THSD7A: variants seen among roughly 807,000 people sequenced by gnomAD.
The protein encoded by THSD7A is thrombospondin type 1 domain containing 7A, also known as thrombospondin type-1 domain-containing protein 7A.
Under a neutral mutation model 231.3 loss-of-function variants are expected in THSD7A, and 96 were observed. The observed-to-expected ratio is 0.41, with a 90% CI of 0.35 to 0.49. The LOEUF (loss-of-function observed/expected upper bound fraction) is 0.49. Ranked by LOEUF, THSD7A falls within the 20% of genes least tolerant of loss-of-function variation. The probability of loss-of-function intolerance (pLI) is 0.05; values close to 1 mark genes in which losing one functional copy is unlikely to be tolerated. For synonymous variants in THSD7A, 940 were observed against 743.3 expected, an observed-to-expected ratio of 1.26 and a Z score of -4.30; for missense variants, 2,290 against 2,070.2, an observed-to-expected ratio of 1.11 and a Z score of -2.06.
chr7:11,740,701 C>A (rs900896909), intron 1 of THSD7A, among the ~76,000 whole-genome samples: 2 of 151,882 alleles, frequency 1.3e-5, no homozygotes, highest in African/African-American at 4.8e-5. Flanking sequence ...TATACCTTCT[C>A]CCAAACATTT....
Position 11,637,834 on chromosome 7 carries a change from AT to A in THSD7A, c.191-874del, listed in dbSNP as rs1247250902. Among the ~76,000 whole-genome samples the A allele has an allele frequency of 6.6e-6, 1 of 152,046 alleles. No individual in the cohort carries two copies. Among genetic ancestry groups the A allele is most frequent in the Non-Finnish European group, 1.5e-5 (1 of 68,004 alleles). ...AATAAACTTTATATTCACATATATTATTTTTTTCTAAGGTAGATGATATGAT... is the reference window on the plus strand; with the variant it reads ...AATAAACTTTATATTCACATATATTATTTTTTCTAAGGTAGATGATATGAT... On this transcript the variant is annotated intron_variant, in intron 1 of 27. Coordinates refer to ENST00000423059, the MANE Select transcript of THSD7A (RefSeq NM_015204.3). The surrounding 1 kb of genome is among the most constrained non-coding windows in gnomAD (Gnocchi z 4.2).
chr7:11,505,492 A>T (rs2128311654), intron 6 of THSD7A, among the ~76,000 whole-genome samples: 1 of 152,196 alleles, frequency 6.6e-6, no homozygotes, highest in Non-Finnish European at 1.5e-5. Flanking sequence ...AGACAAAAGA[A>T]AGAAGGCAAA....
intron 11 of THSD7A, among the ~76,000 whole-genome samples, chr7:11,454,975 G>C (rs1035203443): frequency 6.6e-6 from 1 of 151,966 alleles, no homozygotes; most frequent in African/African-American, 2.4e-5. Flanking sequence ...ATCTCCCTCA[G>C]ATCCACATGT....
At chr7:11,759,025 C>T (rs922996752) in intron 1 of THSD7A, among the ~76,000 whole-genome samples, 10 of 151,940 alleles carry the variant, frequency 6.6e-5, no homozygotes, top group African/African-American at 2.4e-4. Context: ...TGGTAAGGAT[C>T]CAGGGACCTG....
chr7:11,411,168 A>G lies in THSD7A; in HGVS notation c.3798+39T>C, dbSNP rs746389837. 1.3e-6 allele frequency: 2 copies of G among 1,493,300 alleles called. No homozygotes were observed. The highest frequency in any genetic ancestry group is 3.4e-5 in the Admixed American group (2 of 58,018). 92.5% of individuals were successfully genotyped at this position (1,493,300 alleles called of 1,614,324 possible). On this transcript the variant is annotated intron_variant, in intron 19 of 27. Coordinates refer to ENST00000423059, the MANE Select transcript of THSD7A (RefSeq NM_015204.3). The surrounding 1 kb of genome is among the most constrained non-coding windows in gnomAD (Gnocchi z 4.1). ...CAGCATGAATTGAAATTATTAGGGA[A>G]GAATTTACTCGCGAAGATATAACAC... is the stretch of plus-strand genomic sequence containing the variant.
At position 11,374,642 on chromosome 7, in the gene THSD7A, A is replaced by G. The variant is rs2115277967; in HGVS notation, c.*1152T>C. 6.6e-6 allele frequency: 1 copy of G among 151,854 alleles called. No individual in the cohort carries two copies. The highest frequency in any genetic ancestry group is 2.1e-4 in the South Asian group (1 of 4,822). 9.4% of individuals were successfully genotyped at this position (151,854 alleles called of 1,614,324 possible). A position where few individuals can be genotyped will look rare whatever the true frequency, so the allele number is the denominator to read the frequency against. On this transcript the variant is annotated 3_prime_UTR_variant, in exon 28 of 28. Coordinates refer to ENST00000423059, the MANE Select transcript of THSD7A (RefSeq NM_015204.3). Reference sequence around the variant, plus strand: ...TCCTTTTTCTTTTTTTTTCTTAACAAAGATAACAAATATAAAAATCTAGTC... The same window carrying G: ...TCCTTTTTCTTTTTTTTTCTTAACAGAGATAACAAATATAAAAATCTAGTC...
intron 1 of THSD7A, among the ~76,000 whole-genome samples, chr7:11,815,125 T>A (rs1209746437): frequency 6.6e-6 from 1 of 151,946 alleles, no homozygotes; most frequent in East Asian, 1.9e-4. Context: ...CTACCCTCCA[T>A]TTTTAAGCTT....
chr7:11,383,270 T>C (rs1583641974), intron 23 of THSD7A, among the ~76,000 whole-genome samples: 1 of 152,080 alleles, frequency 6.6e-6, no homozygotes, highest in Non-Finnish European at 1.5e-5. Flanking sequence ...GGTGAAATAC[T>C]TCTAAGTGAT....
chr7:11,682,025 G>T (rs979864073), intron 1 of THSD7A, among the ~76,000 whole-genome samples: 3 of 151,986 alleles, frequency 2.0e-5, no homozygotes, highest in Non-Finnish European at 4.4e-5. Context: ...TAAATATGGA[G>T]AAATAAAGTC....
chr7:11,654,504 C>G (rs180873388), intron 1 of THSD7A, among the ~76,000 whole-genome samples: 22 of 151,996 alleles, frequency 1.4e-4, no homozygotes, highest in African/African-American at 5.3e-4. Context: ...AGCAATAGAT[C>G]TTATTCAAAA....
Position 11,375,841 on chromosome 7 carries a change from G to A in THSD7A, c.4927C>T (p.Arg1643Ter), listed in dbSNP as rs749319690. 7 of 1,612,602 alleles carry A rather than the reference G, an allele frequency of 4.3e-6. No individual in the cohort carries two copies. The highest frequency in any genetic ancestry group is 3.3e-5 in the Admixed American group (2 of 59,916). ...TAGGCTAAGGTTAAAGGTTTCAGTC[G>A]GTTGTTTTGCCTTCTTTGGGGTTTC... ...PKKPQRRQNN[R>*]LKPLTLAYDG... is the part of the protein sequence containing the mutation. The change falls in exon 28 of 28, where the codon CGA (arginine) becomes TGA (stop). Residue 1643 changes from arginine (R) to a stop codon, truncating the protein, a stop_gained. Coordinates refer to ENST00000423059, the MANE Select transcript of THSD7A (RefSeq NM_015204.3). LOFTEE classifies it high-confidence loss of function.
intron 1 of THSD7A, among the ~76,000 whole-genome samples, chr7:11,766,569 C>G (rs1304484940): frequency 6.6e-6 from 1 of 152,134 alleles, no homozygotes; most frequent in African/African-American, 2.4e-5. Flanking sequence ...GTCATGTGGA[C>G]TTGGTAAATA....
chr7:11,655,268 G>C (rs898103226), intron 1 of THSD7A, among the ~76,000 whole-genome samples: 1 of 151,816 alleles, frequency 6.6e-6, no homozygotes. Context: ...TGATTTGTTA[G>C]GATCCACAAG....
intron 1 of THSD7A, among the ~76,000 whole-genome samples, chr7:11,677,955 C>T (rs1198110599): frequency 6.6e-6 from 1 of 152,148 alleles, no homozygotes; most frequent in Non-Finnish European, 1.5e-5. Flanking sequence ...GTAAAACACT[C>T]CTCAGCAAAT....
chr7:11,594,095 A>G (rs1348890488), intron 2 of THSD7A, among the ~76,000 whole-genome samples: 1 of 152,168 alleles, frequency 6.6e-6, no homozygotes, highest in African/African-American at 2.4e-5. Context: ...TCAGAAAAAC[A>G]TGAAAAGAGT....
At chr7:11,522,337 A>G (rs1172466948) in intron 6 of THSD7A, among the ~76,000 whole-genome samples, 2 of 152,158 alleles carry the variant, frequency 1.3e-5, no homozygotes, top group Non-Finnish European at 1.5e-5. Context: ...ACTTTCACCT[A>G]ATTAGGAAAT....
rs374687899 is a variant in THSD7A, at chr7:11,655,600, A to T, written c.191-18639T>A. 3.9e-5 allele frequency among the ~76,000 whole-genome samples: 6 copies of T among 152,048 alleles called. No individual in the cohort carries two copies. In the East Asian group the frequency reaches 1.2e-3, roughly 30 times the overall value. ...CACTGCTAGATTTTACAATAATGTC[A>T]TAGAACAATTTGAAAACTAGTAAAG... On this transcript the variant is annotated intron_variant, in intron 1 of 27. Coordinates refer to ENST00000423059, the MANE Select transcript of THSD7A (RefSeq NM_015204.3).
At chr7:11,562,940 A>T (rs1289404573) in intron 4 of THSD7A, among the ~76,000 whole-genome samples, 3 of 152,172 alleles carry the variant, frequency 2.0e-5, no homozygotes, top group Non-Finnish European at 4.4e-5. Flanking sequence ...AGCAGTTTTA[A>T]TTTCAAGAAG....
intron 4 of THSD7A, among the ~76,000 whole-genome samples, chr7:11,576,969 C>G (rs4605953): frequency 0.28 from 42,708 of 152,036 alleles, 6,141 homozygotes; most frequent in South Asian, 0.41. Flanking sequence ...AGTATGCTTG[C>G]AATGAGTTTA....
Sources: gnomAD v4.1 joint callset for allele counts (sites outside exome capture counted in the v4.1 genomes callset) on GRCh38, gnomAD v4.1.1 for gene constraint, Gnocchi (gnomAD v3.1) non-coding constraint, MANE v1.5 for transcripts, NCBI Gene and HGNC (gene_info 2026-07-23, HGNC 2026-07-21) for gene names.